Variants in INSYN2A observed in about 807,000 individuals in gnomAD.
The protein encoded by INSYN2A is inhibitory synaptic factor 2A, also known as family with sequence similarity 196 member A.
A neutral mutation model predicts 39.4 loss-of-function variants in INSYN2A; 17 were observed. The observed-to-expected ratio is 0.43, with a 90% CI of 0.30 to 0.65. The LOEUF is 0.65. Ranked by LOEUF, INSYN2A falls within the 30% of genes least tolerant of loss-of-function variation. INSYN2A has a pLI of 0.14. For synonymous variants in INSYN2A, 255 were observed against 265.7 expected (o/e 0.96, Z 0.39); for missense variants, 595 against 631.2 (o/e 0.94, Z 0.61).
At chr10:127,145,356 T>C (rs762986324) in intron 5 of INSYN2A, among the ~76,000 whole-genome samples, 1 of 152,186 alleles carries the variant, frequency 6.6e-6, no homozygotes, top group South Asian at 2.1e-4. Flanking sequence ...GCATATCTTA[T>C]GCCATCCCCC....
At chr10:127,185,882 C>T (rs908596257) in intron 2 of INSYN2A, among the ~76,000 whole-genome samples, 6 of 152,142 alleles carry the variant, frequency 3.9e-5, no homozygotes, top group Non-Finnish European at 8.8e-5. Flanking sequence ...TTTAACCATG[C>T]AGTATATTGG....
intron 2 of INSYN2A, among the ~76,000 whole-genome samples, chr10:127,178,967 ATTCT>A (rs1289344855): frequency 1.3e-5 from 2 of 152,208 alleles, no homozygotes; most frequent in Non-Finnish European, 1.5e-5. Flanking sequence ...TCTCCTATTC[ATTCT>A]TTAACTGCCT....
At chr10:127,142,222 G>A (rs2051329623) in intron 5 of INSYN2A, among the ~76,000 whole-genome samples, 1 of 152,244 alleles carries the variant, frequency 6.6e-6, no homozygotes, top group Non-Finnish European at 1.5e-5. Flanking sequence ...GGCGGCTCCA[G>A]TGCAGGGGCT....
chr10:127,167,257 T>C (rs1218823334), intron 4 of INSYN2A, among the ~76,000 whole-genome samples: 2 of 152,178 alleles, frequency 1.3e-5, no homozygotes, highest in Non-Finnish European at 2.9e-5. Context: ...TGATAACTTA[T>C]ATTTGGGGTT....
intron 5 of INSYN2A, among the ~76,000 whole-genome samples, chr10:127,149,365 C>T (rs890820879): frequency 5.3e-5 from 8 of 152,144 alleles, no homozygotes; most frequent in Non-Finnish European, 1.0e-4. Flanking sequence ...GTTTTCCCCC[C>T]GCCTTGAAAT....
rs74533149 is a variant in INSYN2A, at chr10:127,186,359, G to A, written c.-269+6246C>T. Among the ~76,000 whole-genome samples the A allele has an allele frequency of 8.4e-3, 1,284 of 152,238 alleles. 51 individuals are homozygous for A. The highest frequency in any genetic ancestry group is 0.061 in the Admixed American group (932 of 15,294). On this transcript the variant is annotated intron_variant, in intron 2 of 5. Coordinates refer to ENST00000522781, the MANE Select transcript of INSYN2A (RefSeq NM_001039762.3). Reference sequence around the variant, plus strand: ...CACAAGGCTGCAGGACTGAATGAGCGCAAGCAGGGGAAATGCCAGACACTA... The same window carrying A: ...CACAAGGCTGCAGGACTGAATGAGCACAAGCAGGGGAAATGCCAGACACTA...
chr10:127,179,774 CA>C (rs549532412), intron 2 of INSYN2A, among the ~76,000 whole-genome samples: 179 of 152,324 alleles, frequency 1.2e-3, no homozygotes, highest in Admixed American at 3.1e-3. Context: ...ATCATTCCTT[CA>C]TGCATTTATT....
At chr10:127,177,615 C>T (rs2055294665) in intron 2 of INSYN2A, among the ~76,000 whole-genome samples, 2 of 152,228 alleles carry the variant, frequency 1.3e-5, no homozygotes, top group African/African-American at 4.8e-5. Context: ...CCCGTGAGAG[C>T]TGCACAGAAA....
chr10:127,186,165 G>C (rs1233274470), intron 2 of INSYN2A, among the ~76,000 whole-genome samples: 2 of 152,206 alleles, frequency 1.3e-5, no homozygotes, highest in Non-Finnish European at 2.9e-5. Context: ...GGGTTCTAGT[G>C]ACTTCCAAGG....
chr10:127,196,449 C>T lies in INSYN2A; in HGVS notation c.-847G>A, dbSNP rs1218931268. Reference sequence around the variant, plus strand: ...CCAGGGCCAGGAGGCGGGGGCGGGGCAGAGGAGGGAGCAGGAGGGAAGTCC... The same window carrying T: ...CCAGGGCCAGGAGGCGGGGGCGGGGTAGAGGAGGGAGCAGGAGGGAAGTCC... On this transcript the variant is annotated 5_prime_UTR_variant, in exon 1 of 6. Coordinates refer to ENST00000522781, the MANE Select transcript of INSYN2A (RefSeq NM_001039762.3). 6.7e-6 allele frequency among the ~76,000 whole-genome samples: 1 copy of T among 148,426 alleles called. No individual in the cohort carries two copies. Among genetic ancestry groups the T allele is most frequent in the Non-Finnish European group, 1.5e-5 (1 of 66,676 alleles).
chr10:127,179,307 A>G (rs565463341), intron 2 of INSYN2A, among the ~76,000 whole-genome samples: 112 of 152,356 alleles, frequency 7.4e-4, no homozygotes, highest in Non-Finnish European at 1.4e-3. Flanking sequence ...TAATAATAAA[A>G]AATTCTAAGC....
chr10:127,196,408 C>T lies in INSYN2A; in HGVS notation c.-806G>A, dbSNP rs1490558005. Among the ~76,000 whole-genome samples, 1 of 148,628 alleles carries T rather than the reference C, an allele frequency of 6.7e-6. No individual in the cohort carries two copies. The highest frequency in any genetic ancestry group is 2.4e-5 in the African/African-American group (1 of 41,112). ...TGTCCTCATTTACTGCAATTGTCTT[C>T]GGCGAGATCTCAGAGCCAGGGCCAG... On this transcript the variant is annotated 5_prime_UTR_variant, in exon 1 of 6. Coordinates refer to ENST00000522781, the MANE Select transcript of INSYN2A (RefSeq NM_001039762.3).
chr10:127,184,776 G>A (rs1002816985), intron 2 of INSYN2A, among the ~76,000 whole-genome samples: 18 of 152,126 alleles, frequency 1.2e-4, no homozygotes, highest in African/African-American at 4.1e-4. Flanking sequence ...CCAGGACCGC[G>A]CCCTGGTCCT....
In INSYN2A at chr10:127,175,907, G is replaced by A. The variant is rs766189937; in HGVS notation, c.489C>T (p.Gly163=). Residue 163 remains glycine, a synonymous_variant, in exon 4 of 6, where the codon GGC becomes GGT. Coordinates refer to ENST00000522781, the MANE Select transcript of INSYN2A (RefSeq NM_001039762.3). This position sits in a 1 kb window ranked among gnomAD's most constrained non-coding sequence, Gnocchi z 6.3. ...CTGTGGTCTTGTGCACCCGCCCCGCGCCACATGGCCGGGCCTCCTCCATGG... is the reference window on the plus strand; with the variant it reads ...CTGTGGTCTTGTGCACCCGCCCCGCACCACATGGCCGGGCCTCCTCCATGG... ...AGPMEEARPC[G]AGRVHKTTAL... 3.7e-6 allele frequency: 6 copies of A among 1,614,166 alleles called. No homozygotes were observed. Among genetic ancestry groups the A allele is most frequent in the Non-Finnish European group, 5.1e-6 (6 of 1,180,040 alleles).
intron 5 of INSYN2A, among the ~76,000 whole-genome samples, chr10:127,149,083 G>C (rs1175153023): frequency 6.6e-6 from 1 of 152,120 alleles, no homozygotes; most frequent in Non-Finnish European, 1.5e-5. Flanking sequence ...TTTTTCAGCT[G>C]AGGAATGCCT....
Position 127,138,138 on chromosome 10 carries a change from T to C in INSYN2A, c.1257-118A>G, listed in dbSNP as rs1168678699. The stretch of plus-strand genomic sequence containing the variant: ...GTGTTTGTAATGTAATTTTATGGTT[T>C]AATAATAGCAATTCGATATACTATG... On this transcript the variant is annotated intron_variant, in intron 5 of 5. Transcript: ENST00000522781. 7 of 871,004 alleles carry C rather than the reference T, an allele frequency of 8.0e-6. No homozygotes were observed. In the East Asian group the frequency reaches 1.2e-4, roughly 15 times the overall value. 54.0% of individuals were successfully genotyped at this position (871,004 alleles called of 1,614,324 possible). A position where few individuals can be genotyped will look rare whatever the true frequency, so the allele number is the denominator to read the frequency against.
chr10:127,180,401 A>G lies in INSYN2A; in HGVS notation c.-268-3262T>C, dbSNP rs1589807718. ...TGGCTCTAAAGCAGCAGGAGTTCATAAAGTTTATTTTTCGTAAGAAAATTG... is the reference window on the plus strand; with the variant it reads ...TGGCTCTAAAGCAGCAGGAGTTCATGAAGTTTATTTTTCGTAAGAAAATTG... On this transcript the variant is annotated intron_variant, in intron 2 of 5. Coordinates refer to ENST00000522781, the MANE Select transcript of INSYN2A (RefSeq NM_001039762.3). 2.0e-5 allele frequency among the ~76,000 whole-genome samples: 3 copies of G among 152,330 alleles called. No homozygotes were observed. The East Asian group carries it at 5.8e-4, about 29-fold the overall frequency.
chr10:127,142,492 C>A (rs2051360433), intron 5 of INSYN2A, among the ~76,000 whole-genome samples: 1 of 152,132 alleles, frequency 6.6e-6, no homozygotes, highest in South Asian at 2.1e-4. Flanking sequence ...TGGAAAAAGT[C>A]CTGATTCTTG....
At chr10:127,147,038 GTAATACATTACCAAGAA>G (rs1320924225) in intron 5 of INSYN2A, among the ~76,000 whole-genome samples, 2 of 152,184 alleles carry the variant, frequency 1.3e-5, no homozygotes, top group East Asian at 3.8e-4. Flanking sequence ...TATTGGTGTT[GTAATACATTACCAAGAA>G]TGATGTGAGA....
Sources: allele counts gnomAD v4.1 joint callset (sites outside exome capture counted in the v4.1 genomes callset), GRCh38; gene constraint gnomAD v4.1.1; non-coding constraint Gnocchi (gnomAD v3.1); transcripts MANE v1.5; gene names NCBI Gene and HGNC (gene_info 2026-07-23, HGNC 2026-07-21).